FAM200A: variants seen among roughly 807,000 people sequenced by gnomAD.
The protein encoded by FAM200A is protein FAM200A.
In FAM200A, 26 loss-of-function variants were observed where a neutral mutation model predicts 44.2. That is an observed-to-expected ratio of 0.59 (90% CI 0.43 to 0.82). The LOEUF is 0.82. Among genes scored for constraint, FAM200A ranks in the 40% least tolerant of loss-of-function variants. FAM200A has a pLI of 0.00. For missense variants in FAM200A, 606 were observed against 669.5 expected (o/e 0.91, Z 1.05); for synonymous variants, 206 against 244.4 (o/e 0.84, Z 1.47).
upstream of FAM200A, among the ~76,000 whole-genome samples, chr7:99,556,820 G>A (rs1387031372): frequency 6.6e-6 from 1 of 152,172 alleles, no homozygotes; most frequent in African/African-American, 2.4e-5. Flanking sequence ...CGGATCACCC[G>A]AGGTCAGGAG....
intron 1 of FAM200A, among the ~76,000 whole-genome samples, chr7:99,551,502 C>T (rs1183875186): frequency 6.6e-6 from 1 of 152,144 alleles, no homozygotes. Flanking sequence ...CCGGCCTTCA[C>T]TCTAATCACC....
upstream of FAM200A, among the ~76,000 whole-genome samples, chr7:99,552,972 C>CATATATATATATATATATATAT (rs1328337099): frequency 7.0e-6 from 1 of 143,482 alleles, no homozygotes; most frequent in African/African-American, 2.6e-5. Flanking sequence ...ATCTTTGCTC[C>CATATATATATATATATATATAT]ATATATATAT....
intron 1 of FAM200A, among the ~76,000 whole-genome samples, chr7:99,549,251 T>G (rs1429576090): frequency 6.7e-6 from 1 of 149,674 alleles, no homozygotes; most frequent in Non-Finnish European, 1.5e-5. Flanking sequence ...CATAGATCCA[T>G]GAATTATTCT....
chr7:99,546,455 G>A lies in FAM200A; in HGVS notation c.*231C>T, dbSNP rs964848763. On this transcript the variant is annotated 3_prime_UTR_variant, in exon 2 of 2. Transcript: ENST00000449309. ...ATTATCTCAGCTCACTGCAATCTCT[G>A]CCTTCCTGGTTTAAGAGATTCTCCT... The A allele has an allele frequency of 7.8e-6, 3 of 384,424 alleles. No homozygotes were observed. Among genetic ancestry groups the A allele is most frequent in the Non-Finnish European group, 1.4e-5 (3 of 220,178 alleles). 23.8% of individuals were successfully genotyped at this position (384,424 alleles called of 1,614,324 possible).
chr7:99,551,059 T>C (rs1203389122), intron 1 of FAM200A, among the ~76,000 whole-genome samples: 1 of 151,908 alleles, frequency 6.6e-6, no homozygotes, highest in Non-Finnish European at 1.5e-5. Context: ...TGGGCGACTC[T>C]GTCTCAAAAA....
rs1327330341 is a variant in FAM200A, at chr7:99,548,025, G to A, written c.383C>T (p.Ala128Val). 1.3e-6 allele frequency: 2 copies of A among 1,551,380 alleles called. No homozygotes were observed. Among genetic ancestry groups the A allele is most frequent in the Non-Finnish European group, 1.7e-6 (2 of 1,146,974 alleles). Residue 128 changes from alanine (A) to valine (V), a missense_variant, in exon 2 of 2, where the codon GCA becomes GTA. Physicochemically the swap from Ala to Val is moderately conservative, Grantham distance 64. Transcript: ENST00000449309. ...RICTIAKHLE[A>V]MLITRLQSGI... is the part of the protein sequence containing the mutation. ...GGACTGCAGCCGTGTAATAAGCATT[G>A]CTTCCAAATGTTTTGCAATCGTACA...
At chr7:99,552,116 A>G (rs141128127), upstream of FAM200A, 1,247 of 985,446 alleles carry the variant, frequency 1.3e-3, 12 homozygotes, top group African/African-American at 0.02. Context: ...AAGCGTCACA[A>G]AAGCCGGAAG....
At chr7:99,553,052 T>C (rs867658428), upstream of FAM200A, among the ~76,000 whole-genome samples, 104 of 102,612 alleles carry the variant, frequency 1.0e-3, no homozygotes, top group East Asian at 1.8e-3. Flanking sequence ...TACACACACA[T>C]ATATATATAT....
At chr7:99,558,519 T>A (rs1802781137) in exon 1 of FAM200A, 1 of 152,306 alleles carries the variant, frequency 6.6e-6, no homozygotes, top group Admixed American at 6.5e-5. Flanking sequence ...CAGCTCCTCC[T>A]CCGAGTTCCT....
intron 1 of FAM200A, among the ~76,000 whole-genome samples, chr7:99,558,106 C>T (rs930712164): frequency 6.6e-6 from 1 of 152,208 alleles, no homozygotes; most frequent in Non-Finnish European, 1.5e-5. Flanking sequence ...CTCATCTCCC[C>T]TCCCGTCCCC....
chr7:99,557,562 A>C (rs1802731906), intron 1 of FAM200A, among the ~76,000 whole-genome samples: 1 of 152,196 alleles, frequency 6.6e-6, no homozygotes, highest in African/African-American at 2.4e-5. Context: ...CCAGCATGAA[A>C]TGGACTAAGC....
intron 1 of FAM200A, among the ~76,000 whole-genome samples, chr7:99,549,115 T>G (rs1404789897): frequency 7.9e-6 from 1 of 126,490 alleles, no homozygotes; most frequent in Non-Finnish European, 1.7e-5. Context: ...TCAGGTAGGG[T>G]ACATAGGGTA....
rs992063543 is a variant in FAM200A, at chr7:99,557,671, T to C, written c.-100+629A>G. ...GAATTTAGGTTGGATAAATGATACT[T>C]AGGGATAAAGAGAGGAAAGGAATAT... On this transcript the variant is annotated intron_variant, in intron 1 of 1. Transcript: ENST00000408938. 4.6e-5 allele frequency among the ~76,000 whole-genome samples: 7 copies of C among 152,270 alleles called. 1 individual carries two copies. In the South Asian group the frequency reaches 1.5e-3, roughly 32 times the overall value.
chr7:99,547,465 C>A lies in FAM200A; in HGVS notation c.943G>T (p.Glu315Ter), dbSNP rs1562924862. ...SQGKVLSRVY[E>*]LRNEIYIFLV... ...AAAATGTAAATCTCGTTCCTGAGTT[C>A]ATATACTCTGCTCAATACTTTTCCT... Residue 315 changes from glutamate (E) to a stop codon, truncating the protein, a stop_gained, in exon 2 of 2, where the codon GAA (glutamate) becomes TAA (stop). Coordinates refer to ENST00000449309, the MANE Select transcript of FAM200A (RefSeq NM_145111.4). LOFTEE classifies it high-confidence loss of function. The A allele has an allele frequency of 6.4e-7, 1 of 1,551,306 alleles. No homozygotes were observed. Among genetic ancestry groups the A allele is most frequent in the African/African-American group, 1.4e-5 (1 of 73,146 alleles).
In FAM200A at chr7:99,546,570, T is replaced by C. The variant is rs1207987806; in HGVS notation, c.*116A>G. 2 of 1,132,858 alleles carry C rather than the reference T, an allele frequency of 1.8e-6. No individual in the cohort carries two copies. The highest frequency in any genetic ancestry group is 3.7e-5 in the Admixed American group (1 of 26,714). 70.2% of individuals were successfully genotyped at this position (1,132,858 alleles called of 1,614,324 possible). On this transcript the variant is annotated 3_prime_UTR_variant, in exon 2 of 2. Transcript: ENST00000449309. ...TTTTAGTAGAGATGGGGTTTCACCA[T>C]GTTGGCCAGGCTGGTCTTGAACTCA...
chr7:99,548,767 G>A (rs976825001), intron 1 of FAM200A, among the ~76,000 whole-genome samples: 16 of 151,068 alleles, frequency 1.1e-4, no homozygotes, highest in Admixed American at 6.6e-5. Context: ...AAGATTAAAT[G>A]TGTCTAACAA....
intron 1 of FAM200A, among the ~76,000 whole-genome samples, chr7:99,548,761 T>C (rs1388159778): frequency 6.6e-6 from 1 of 151,650 alleles, no homozygotes; most frequent in Non-Finnish European, 1.5e-5. Flanking sequence ...TTCAGAAAGA[T>C]TAAATGTGTC....
Position 99,548,143 on chromosome 7 carries a change from A to G in FAM200A, c.265T>C (p.Cys89Arg). The G allele has an allele frequency of 1.3e-6, 2 of 1,551,888 alleles. No individual in the cohort carries two copies. Among genetic ancestry groups the G allele is most frequent in the Non-Finnish European group, 1.7e-6 (2 of 1,147,038 alleles). ...TAAEKIILPA[C>R]MDMVRTIFDD... ...AAAATTGTCCGTACCATGTCCATAC[A>G]TGCTGGAAGGATAATTTTTTCAGCC... Residue 89 changes from cysteine to arginine, a missense_variant, in exon 2 of 2, where the codon TGT becomes CGT. Physicochemically the swap from Cys to Arg is radical, Grantham distance 180. Coordinates refer to ENST00000449309, the MANE Select transcript of FAM200A (RefSeq NM_145111.4).
Position 99,546,996 on chromosome 7 carries a change from G to A in FAM200A, c.1412C>T (p.Pro471Leu). The change falls in exon 2 of 2, where the codon CCT (proline) becomes CTT (leucine). Residue 471 changes from proline to leucine, a missense_variant. Physicochemically the swap from Pro to Leu is moderately conservative, Grantham distance 98. Coordinates refer to ENST00000449309, the MANE Select transcript of FAM200A (RefSeq NM_145111.4). ...PESIIELNLE[P>L]EEENELLQLS... is the part of the protein sequence containing the mutation. ...CTGCAATAATTCATTCTCTTCTTCA[G>A]GCTCCAAGTTTAACTCAATTATTGA... 6.5e-7 allele frequency: 1 copy of A among 1,549,994 alleles called. No homozygotes were observed.
Sources: allele counts gnomAD v4.1 joint callset (sites outside exome capture counted in the v4.1 genomes callset), GRCh38; gene constraint gnomAD v4.1.1; transcripts MANE v1.5; gene names NCBI Gene and HGNC (gene_info 2026-07-23, HGNC 2026-07-21).